GADL1: variants seen among roughly 807,000 people sequenced by gnomAD.
GADL1 encodes GAD like acidic amino acid decarboxylase 1, also known as acidic amino acid decarboxylase GADL1.
GADL1 carries 71 observed loss-of-function variants against 69.5 expected under a neutral mutation model. That is an observed-to-expected ratio of 1.02 (90% CI 0.84 to 1.25). GADL1 has a LOEUF of 1.25. Ranked by LOEUF, GADL1 falls within the 50% of genes most tolerant of loss-of-function variation. The pLI is 0.00. For synonymous variants in GADL1, 254 were observed against 214.4 expected (o/e 1.18, Z -1.62); for missense variants, 737 against 631.8 (o/e 1.17, Z -1.79).
Position 30,801,029 on chromosome 3 carries a change from G to T in GADL1, c.1110C>A (p.Phe370Leu). 6.2e-7 allele frequency: 1 copy of T among 1,613,966 alleles called. No individual in the cohort carries two copies. The highest frequency in any genetic ancestry group is 1.1e-5 in the South Asian group (1 of 91,076). ...CTCCTGTGTCATAGCTCACATCATAGAATTTATCCTGCTGGAAGAGGTAAG... is the reference window on the plus strand; with the variant it reads ...CTCCTGTGTCATAGCTCACATCATATAATTTATCCTGCTGGAAGAGGTAAG... The part of the protein sequence containing the change: ...KASYLFQQDK[F>L]YDVSYDTGDK... The change falls in exon 12 of 15, where the codon TTC becomes TTA. Residue 370 changes from phenylalanine (F) to leucine (L), a missense_variant. Transcript: ENST00000282538.
rs531005751 is a variant in GADL1 at position 30,759,080 on chromosome 3, T to TTC, written c.1392+19098_1392+19099insGA. Among the ~76,000 whole-genome samples the TTC allele has an allele frequency of 1.1e-4, 17 of 152,102 alleles. No homozygotes were observed. In the East Asian group the frequency reaches 2.3e-3, roughly 21 times the overall value. Reference sequence around the variant, plus strand: ...ATAATGATTAAAAATCCGTTTTTTTTCCAGTGCAGATCACGATGGAGCTGG... The same window carrying TTC: ...ATAATGATTAAAAATCCGTTTTTTTTTCCCAGTGCAGATCACGATGGAGCTGG... On this transcript the variant is annotated intron_variant, in intron 14 of 14. Transcript: ENST00000282538.
chr3:30,761,283 CCT>C (rs1696124140), intron 14 of GADL1, among the ~76,000 whole-genome samples: 1 of 123,978 alleles, frequency 8.1e-6, no homozygotes, highest in African/African-American at 2.9e-5. Flanking sequence ...ACAGCTAGAG[CCT>C]CTCAGAGCTC....
intron 14 of GADL1, among the ~76,000 whole-genome samples, chr3:30,752,072 C>CTA (rs1695834263): frequency 1.3e-5 from 2 of 151,946 alleles, no homozygotes; most frequent in Admixed American, 1.3e-4. Context: ...GTGCTGAAAC[C>CTA]TATTTCGTTA....
chr3:30,879,801 AC>A (rs1698620006), intron 1 of GADL1, among the ~76,000 whole-genome samples: 1 of 151,916 alleles, frequency 6.6e-6, no homozygotes, highest in Non-Finnish European at 1.5e-5. Context: ...TCTTTTCTGC[AC>A]CAGGAAAAAA....
At position 30,757,023 on chromosome 3, in the gene GADL1, A is replaced by AT. The variant is rs559522388; in HGVS notation, c.1392+21155dup. ...GAGAATCAATGACAGCTGTTTCAGC[A>AT]TTACCCCTCAGCTTCCTCCATTTCC... is the stretch of plus-strand genomic sequence containing the variant. On this transcript the variant is annotated intron_variant, in intron 14 of 14. Transcript: ENST00000282538. Among the ~76,000 whole-genome samples the AT allele has an allele frequency of 1.9e-3, 283 of 152,244 alleles. 1 individual carries two copies. The highest frequency in any genetic ancestry group is 6.5e-3 in the African/African-American group (270 of 41,556).
chr3:30,727,275 G>GA lies in GADL1; in HGVS notation c.*966dup, dbSNP rs1207847784. 4 of 150,640 alleles carry GA rather than the reference G, an allele frequency of 2.7e-5. No homozygotes were observed. The highest frequency in any genetic ancestry group is 1.9e-4 in the East Asian group (1 of 5,142). The allele number at this position is 150,640 out of a possible 1,614,324, so 9.3% of individuals were successfully genotyped here. A position where few individuals can be genotyped will look rare whatever the true frequency, so the allele number is the denominator to read the frequency against. The stretch of plus-strand genomic sequence containing the variant: ...AGAAAACCTTCCAGTTGTCTACCAA[G>GA]AAAAAACTAATATGGATATTACATG... On this transcript the variant is annotated 3_prime_UTR_variant, in exon 15 of 15. Transcript: ENST00000282538.
At chr3:30,828,196 C>T (rs1450585182) in intron 11 of GADL1, among the ~76,000 whole-genome samples, 1 of 151,878 alleles carries the variant, frequency 6.6e-6, no homozygotes, top group South Asian at 2.1e-4. Context: ...TACTTTCTTT[C>T]CTTTTTCTCT....
At chr3:30,774,183 C>T (rs1696483204) in intron 14 of GADL1, among the ~76,000 whole-genome samples, 1 of 152,098 alleles carries the variant, frequency 6.6e-6, no homozygotes, top group African/African-American at 2.4e-5. Context: ...GAGAGGGTTG[C>T]TACTGGCATT....
chr3:30,831,163 G>A (rs1700399194), intron 11 of GADL1, among the ~76,000 whole-genome samples: 1 of 151,554 alleles, frequency 6.6e-6, no homozygotes, highest in African/African-American at 2.4e-5. Flanking sequence ...TTCTTCTGTT[G>A]TTCTAAAGAT....
At chr3:30,846,851 G>C (rs1244065234) in intron 6 of GADL1, among the ~76,000 whole-genome samples, 10 of 152,100 alleles carry the variant, frequency 6.6e-5, no homozygotes, top group Non-Finnish European at 1.5e-5. Context: ...CAGCAATCAG[G>C]AGGAAGAGAA....
intron 14 of GADL1, among the ~76,000 whole-genome samples, chr3:30,747,205 C>A (rs557510551): frequency 2.0e-5 from 3 of 152,290 alleles, no homozygotes; most frequent in African/African-American, 7.2e-5. Context: ...TGTCAACAGC[C>A]AAATGATCGT....
intron 11 of GADL1, among the ~76,000 whole-genome samples, chr3:30,819,620 C>A (rs1353680924): frequency 3.3e-5 from 5 of 151,844 alleles, no homozygotes; most frequent in African/African-American, 4.8e-5. Flanking sequence ...AAATAGCATT[C>A]TTACAGAACA....
chr3:30,733,100 AT>A (rs1234544400), intron 14 of GADL1, among the ~76,000 whole-genome samples: 8 of 152,144 alleles, frequency 5.3e-5, no homozygotes, highest in Non-Finnish European at 8.8e-5. Context: ...GATCAGTTTT[AT>A]TTTTTTCAAT....
chr3:30,844,489 G>A (rs773592511), intron 6 of GADL1, 23 bp from the exon 7 acceptor site: 4 of 1,461,824 alleles, frequency 2.7e-6, no homozygotes, highest in Middle Eastern at 3.5e-4. Context: ...GGACAGTGGG[G>A]AAGGGGGAGA....
intron 1 of GADL1, among the ~76,000 whole-genome samples, chr3:30,890,765 C>A (rs1698775291): frequency 6.6e-6 from 1 of 152,160 alleles, no homozygotes; most frequent in Admixed American, 6.5e-5. Context: ...TGAACATCAC[C>A]ATGGGCTCTT....
At chr3:30,861,851 A>G in intron 1 of GADL1, 86 bp from the exon 2 acceptor site, 1 of 765,936 alleles carries the variant, frequency 1.3e-6, no homozygotes. Flanking sequence ...TCACTATCCC[A>G]GCTTCAGATG....
intron 11 of GADL1, among the ~76,000 whole-genome samples, chr3:30,807,345 A>G (rs1697273035): frequency 6.6e-6 from 1 of 152,148 alleles, no homozygotes; most frequent in Non-Finnish European, 1.5e-5. Flanking sequence ...CTTCCTTTTT[A>G]ATGGAATGTA....
chr3:30,830,807 A>C (rs1459544461), intron 11 of GADL1, among the ~76,000 whole-genome samples: 1 of 151,866 alleles, frequency 6.6e-6, no homozygotes, highest in Admixed American at 6.6e-5. Context: ...TAAGAACCTC[A>C]AATTTACTAT....
intron 11 of GADL1, among the ~76,000 whole-genome samples, chr3:30,829,399 T>C (rs1697748265): frequency 6.6e-6 from 1 of 151,838 alleles, no homozygotes; most frequent in African/African-American, 2.4e-5. Context: ...TAGGTACAAA[T>C]TGGGGAATTA....
Sources: gnomAD v4.1 joint callset for allele counts (sites outside exome capture counted in the v4.1 genomes callset) on GRCh38, gnomAD v4.1.1 for gene constraint, MANE v1.5 for transcripts, NCBI Gene and HGNC (gene_info 2026-07-23, HGNC 2026-07-21) for gene names.